Variants in PPFIA2 observed in about 807,000 individuals in gnomAD.
PPFIA2 encodes PPFI scaffold protein A2.
PPFIA2 carries 46 observed loss-of-function variants against 175.5 expected under a neutral mutation model. That is an observed-to-expected ratio of 0.26 (90% CI 0.21 to 0.34). PPFIA2 has a LOEUF of 0.34. PPFIA2 is among the 10% of genes least tolerant of loss of function. The pLI, the probability that PPFIA2 is intolerant of heterozygous loss-of-function variation, is 1.00. For synonymous variants in PPFIA2, 568 were observed against 511.4 expected (o/e 1.11, Z -1.49); for missense variants, 1,179 against 1,506.1 (o/e 0.78, Z 3.60).
chr12:81,639,713 A>G (rs554411869), intron 4 of PPFIA2, among the ~76,000 whole-genome samples: 1 of 152,296 alleles, frequency 6.6e-6, no homozygotes, highest in African/African-American at 2.4e-5. Flanking sequence ...CATCTTTCAC[A>G]TAATATATGC....
intron 7 of PPFIA2, among the ~76,000 whole-genome samples, chr12:81,438,514 G>C (rs910985650): frequency 4.6e-5 from 7 of 151,978 alleles, no homozygotes; most frequent in Admixed American, 1.3e-4. Flanking sequence ...AAAAAACAAA[G>C]GAGTTTGTAC....
intron 22 of PPFIA2, among the ~76,000 whole-genome samples, chr12:81,306,958 T>C (rs749725866): frequency 1.3e-5 from 2 of 152,220 alleles, no homozygotes; most frequent in Non-Finnish European, 2.9e-5. Flanking sequence ...TTAATCTTGA[T>C]TTAATTATCT....
At chr12:81,301,540 C>A (rs147213549) in intron 22 of PPFIA2, among the ~76,000 whole-genome samples, 1 of 152,070 alleles carries the variant, frequency 6.6e-6, no homozygotes, top group Non-Finnish European at 1.5e-5. Context: ...CCAGAGTGAT[C>A]CTTTTGAGTC....
intron 28 of PPFIA2, among the ~76,000 whole-genome samples, chr12:81,268,602 T>C (rs183450825): frequency 6.6e-6 from 1 of 152,358 alleles, no homozygotes; most frequent in East Asian, 1.9e-4. Context: ...AAAAAAGTTG[T>C]TATTTTTCAG....
intron 4 of PPFIA2, among the ~76,000 whole-genome samples, chr12:81,570,435 T>C (rs2072287692): frequency 1.3e-5 from 2 of 152,042 alleles, no homozygotes; most frequent in Non-Finnish European, 2.9e-5. Context: ...AATCGTGAAA[T>C]GTGTTTGGGC....
At chr12:81,286,222 A>G (rs1184870773) in intron 24 of PPFIA2, among the ~76,000 whole-genome samples, 1 of 152,100 alleles carries the variant, frequency 6.6e-6, no homozygotes, top group East Asian at 1.9e-4. Context: ...TTAACAAAAA[A>G]AAAGATTTAT....
chr12:81,322,974 G>T (rs557620194), intron 22 of PPFIA2, among the ~76,000 whole-genome samples: 1 of 152,258 alleles, frequency 6.6e-6, no homozygotes, highest in South Asian at 2.1e-4. Flanking sequence ...ACCTATGTGT[G>T]TTAAATTTAC....
At chr12:81,525,384 GT>G (rs1350058790) in intron 4 of PPFIA2, among the ~76,000 whole-genome samples, 1 of 152,134 alleles carries the variant, frequency 6.6e-6, no homozygotes, top group African/African-American at 2.4e-5. Flanking sequence ...TCTAGATGAG[GT>G]TGACTAAACC....
intron 4 of PPFIA2, among the ~76,000 whole-genome samples, chr12:81,676,082 C>T (rs1171424399): frequency 6.6e-6 from 1 of 152,016 alleles, no homozygotes; most frequent in African/African-American, 2.4e-5. Context: ...TCTGTATGTT[C>T]CACATTAAAT....
intron 4 of PPFIA2, among the ~76,000 whole-genome samples, chr12:81,601,819 A>T (rs992370928): frequency 6.6e-6 from 1 of 151,924 alleles, no homozygotes; most frequent in Non-Finnish European, 1.5e-5. Flanking sequence ...ATTTTAAGAG[A>T]TTTAAATTAC....
chr12:81,443,165 C>T (rs2050543858), intron 6 of PPFIA2, among the ~76,000 whole-genome samples: 1 of 151,814 alleles, frequency 6.6e-6, no homozygotes, highest in Non-Finnish European at 1.5e-5. Flanking sequence ...ATATGCTAAG[C>T]ACTGGCTGAA....
chr12:81,625,454 T>C (rs1441439373), intron 4 of PPFIA2, among the ~76,000 whole-genome samples: 1 of 151,874 alleles, frequency 6.6e-6, no homozygotes, highest in Non-Finnish European at 1.5e-5. Flanking sequence ...AATAGTATGA[T>C]ATATATGTGA....
At chr12:81,359,520 G>A (rs2061332273) in intron 15 of PPFIA2, among the ~76,000 whole-genome samples, 1 of 151,528 alleles carries the variant, frequency 6.6e-6, no homozygotes, top group Non-Finnish European at 1.5e-5. Context: ...GAGGCTCTAA[G>A]TTTCATGAAG....
At chr12:81,646,171 C>T (rs2066035486) in intron 4 of PPFIA2, among the ~76,000 whole-genome samples, 1 of 152,134 alleles carries the variant, frequency 6.6e-6, no homozygotes, top group Non-Finnish European at 1.5e-5. Flanking sequence ...CCATCTGCTA[C>T]TGAGGGAGGA....
Position 81,686,431 on chromosome 12 carries a change from T to C in PPFIA2, c.250-9587A>G, listed in dbSNP as rs181751254. On this transcript the variant is annotated intron_variant, in intron 3 of 32. Coordinates refer to ENST00000549396, the MANE Select transcript of PPFIA2 (RefSeq NM_003625.5). ...TAAGAATAGGGCTTTCTGAAGAAAG[T>C]GCCAGAGATTCAGGTTCTACATTTT... 6.2e-4 allele frequency among the ~76,000 whole-genome samples: 94 copies of C among 152,238 alleles called. 2 individuals carry two copies. Among genetic ancestry groups the C allele is most frequent in the Admixed American group, 2.8e-3 (43 of 15,274 alleles).
At chr12:81,664,869 G>A (rs911010580) in intron 4 of PPFIA2, among the ~76,000 whole-genome samples, 4 of 152,022 alleles carry the variant, frequency 2.6e-5, no homozygotes, top group African/African-American at 4.8e-5. Context: ...AAAAAAGGAT[G>A]AGTTAATGTC....
At chr12:81,638,682 C>CTTTTTTTTTTTTTT (rs869311003) in intron 4 of PPFIA2, among the ~76,000 whole-genome samples, 1 of 72,684 alleles carries the variant, frequency 1.4e-5, no homozygotes, top group Non-Finnish European at 2.4e-5. Context: ...CATAAATTTT[C>CTTTTTTTTTTTTTT]TTTTTTTTTT....
At chr12:81,547,679 C>T (rs2178683) in intron 4 of PPFIA2, among the ~76,000 whole-genome samples, 20,383 of 152,074 alleles carry the variant, frequency 0.13, 1,432 homozygotes, top group Middle Eastern at 0.18. Flanking sequence ...ACAAAGATAA[C>T]TGGGGAATTG....
chr12:81,429,027 TTTATC>T (rs757179064), intron 7 of PPFIA2, among the ~76,000 whole-genome samples: 1 of 152,072 alleles, frequency 6.6e-6, no homozygotes, highest in East Asian at 1.9e-4. Flanking sequence ...AAAAATCTCT[TTTATC>T]TGACTTTCTG....
Sources: allele counts gnomAD v4.1 joint callset (sites outside exome capture counted in the v4.1 genomes callset), GRCh38; gene constraint gnomAD v4.1.1; transcripts MANE v1.5; gene names NCBI Gene and HGNC (gene_info 2026-07-23, HGNC 2026-07-21).